Variants in EYS observed in about 807,000 individuals in gnomAD.
The protein encoded by EYS is protein eyes shut homolog.
A neutral mutation model predicts 282.1 loss-of-function variants in EYS; 250 were observed. The observed-to-expected ratio is 0.89, with a 90% CI of 0.80 to 0.98. The LOEUF is 0.98. Among genes scored for constraint, EYS ranks in the 50% least tolerant of loss-of-function variants. The pLI, the probability that EYS is intolerant of heterozygous loss-of-function variation, is 0.00. For synonymous variants in EYS, 1,355 were observed against 1,282.9 expected (o/e 1.06, Z -1.20); for missense variants, 4,016 against 3,709.0 (o/e 1.08, Z -2.15).
chr6:65,245,807 T>C (rs1223955223), intron 12 of EYS, among the ~76,000 whole-genome samples: 2 of 152,106 alleles, frequency 1.3e-5, no homozygotes, highest in Non-Finnish European at 2.9e-5. Context: ...GTTTGTTTTG[T>C]GTTATCATCT....
At chr6:65,027,739 C>G (rs1165478115) in intron 13 of EYS, among the ~76,000 whole-genome samples, 1 of 152,034 alleles carries the variant, frequency 6.6e-6, no homozygotes, top group African/African-American at 2.4e-5. Flanking sequence ...CACTTTGTTC[C>G]TTTTTAGTGC....
intron 12 of EYS, among the ~76,000 whole-genome samples, chr6:65,203,340 G>T (rs1473069563): frequency 3.3e-5 from 5 of 152,110 alleles, no homozygotes; most frequent in African/African-American, 1.2e-4. Flanking sequence ...AACTAGATAT[G>T]CAACCCAAGC....
chr6:64,858,000 T>C (rs7766428), intron 19 of EYS, among the ~76,000 whole-genome samples: 124,260 of 151,974 alleles, frequency 0.82, 50,826 homozygotes, highest in East Asian at 0.87. Context: ...GGATATTAAC[T>C]CCTTATCAGA....
chr6:65,410,818 G>A (rs528692251), intron 5 of EYS, among the ~76,000 whole-genome samples: 1 of 151,460 alleles, frequency 6.6e-6, no homozygotes, highest in African/African-American at 2.4e-5. Context: ...ATGGAAGAAT[G>A]GATAAAGAAA....
chr6:63,968,285 G>T (rs888974832), intron 35 of EYS, among the ~76,000 whole-genome samples: 1 of 152,118 alleles, frequency 6.6e-6, no homozygotes, highest in Non-Finnish European at 1.5e-5. Flanking sequence ...GAAAATAAAG[G>T]TTGGTAGCTT....
intron 12 of EYS, among the ~76,000 whole-genome samples, chr6:65,119,257 A>T (rs1296363455): frequency 1.3e-5 from 2 of 152,196 alleles, no homozygotes; most frequent in Middle Eastern, 3.2e-3. Flanking sequence ...AGTGGGCAGC[A>T]TGCTTGGGAA....
chr6:64,836,710 G>T (rs1175275587), intron 19 of EYS, among the ~76,000 whole-genome samples: 1 of 151,538 alleles, frequency 6.6e-6, no homozygotes, highest in Non-Finnish European at 1.5e-5. Flanking sequence ...TGCAATTTGT[G>T]AAAACTTGCC....
At chr6:64,552,995 C>T (rs1765132539) in intron 26 of EYS, among the ~76,000 whole-genome samples, 1 of 150,678 alleles carries the variant, frequency 6.6e-6, no homozygotes, top group Non-Finnish European at 1.5e-5. Context: ...CCTCCCTACC[C>T]ACTTCAAGTT....
intron 15 of EYS, among the ~76,000 whole-genome samples, chr6:64,933,368 C>G (rs894103527): frequency 3.3e-5 from 5 of 151,856 alleles, no homozygotes; most frequent in Admixed American, 1.3e-4. Context: ...ATGTGGCCAA[C>G]AAACATATGA....
At chr6:64,326,521 T>C (rs1770427933) in intron 29 of EYS, among the ~76,000 whole-genome samples, 1 of 152,226 alleles carries the variant, frequency 6.6e-6, no homozygotes, top group South Asian at 2.1e-4. Flanking sequence ...TCAGACTTTC[T>C]GGACAAATGT....
At chr6:64,784,974 TCCTAAG>T (rs929613083) in intron 22 of EYS, among the ~76,000 whole-genome samples, 2 of 152,106 alleles carry the variant, frequency 1.3e-5, no homozygotes, top group African/African-American at 4.8e-5. Context: ...TAAAATCCTG[TCCTAAG>T]CTGGACATGG....
intron 14 of EYS, among the ~76,000 whole-genome samples, chr6:64,972,804 C>T (rs1770340892): frequency 6.6e-6 from 1 of 151,970 alleles, no homozygotes; most frequent in African/African-American, 2.4e-5. Flanking sequence ...CCCCCAACAC[C>T]CACATTGTTC....
At chr6:65,215,134 A>G (rs981943541) in intron 12 of EYS, among the ~76,000 whole-genome samples, 3 of 152,176 alleles carry the variant, frequency 2.0e-5, no homozygotes, top group African/African-American at 7.2e-5. Context: ...TTTCAATATT[A>G]TTAAGAAATA....
intron 31 of EYS, among the ~76,000 whole-genome samples, chr6:64,084,677 T>A (rs1038591908): frequency 3.3e-5 from 5 of 152,158 alleles, no homozygotes; most frequent in African/African-American, 1.2e-4. Context: ...TAAGAAAGAT[T>A]CCTGGCTGGT....
intron 28 of EYS, among the ~76,000 whole-genome samples, chr6:64,418,703 T>A (rs1322801696): frequency 6.6e-6 from 1 of 152,152 alleles, no homozygotes; most frequent in African/African-American, 2.4e-5. Context: ...ATGTCTTGCA[T>A]ACCTGAGTTA....
rs150696391 is a variant in EYS, at chr6:65,140,055, C to T, written c.2024-82328G>A. Among the ~76,000 whole-genome samples, 881 of 151,930 alleles carry T rather than the reference C, an allele frequency of 5.8e-3. 10 individuals are homozygous for T. Among genetic ancestry groups the T allele is most frequent in the African/African-American group, 0.02 (818 of 41,458 alleles). On this transcript the variant is annotated intron_variant, in intron 12 of 42. Transcript: ENST00000503581. ...CGAAGGCAATTAATAAATGACAATA[C>T]CAAAATGTGACAGATTTTGTAATGA...
chr6:65,600,283 G>A (rs2149789665), intron 2 of EYS, among the ~76,000 whole-genome samples: 1 of 152,068 alleles, frequency 6.6e-6, no homozygotes, highest in South Asian at 2.1e-4. Flanking sequence ...CTGACCTGTT[G>A]CATTGCTAAG....
chr6:64,128,821 G>A (rs113534026), intron 31 of EYS, among the ~76,000 whole-genome samples: 2,561 of 152,196 alleles, frequency 0.017, 24 homozygotes, highest in Middle Eastern at 0.034. Flanking sequence ...GTATGGAAGG[G>A]TCTCATAAGG....
chr6:65,238,287 A>G (rs1011403472), intron 12 of EYS, among the ~76,000 whole-genome samples: 1 of 150,600 alleles, frequency 6.6e-6, no homozygotes, highest in African/African-American at 2.4e-5. Flanking sequence ...AATATTCAAG[A>G]TAGGCACACC....
Sources: allele counts gnomAD v4.1 joint callset (sites outside exome capture counted in the v4.1 genomes callset), GRCh38; gene constraint gnomAD v4.1.1; transcripts MANE v1.5; gene names NCBI Gene and HGNC (gene_info 2026-07-23, HGNC 2026-07-21).